The following AKNA variants were observed in gnomAD, a reference collection of about 807,000 sequenced individuals.
AKNA encodes AT-hook transcription factor, also known as microtubule organization protein AKNA.
AKNA carries 67 observed loss-of-function variants against 138.8 expected under a neutral mutation model. The ratio of observed to expected loss-of-function variants is 0.48; its 90% confidence interval spans 0.40 to 0.59. AKNA has a LOEUF of 0.59. Ranked by LOEUF, AKNA falls within the 20% of genes least tolerant of loss-of-function variation. The pLI, the probability that AKNA is intolerant of heterozygous loss-of-function variation, is 0.00. For synonymous variants in AKNA, 737 were observed against 754.4 expected (o/e 0.98, Z 0.38); for missense variants, 1,813 against 1,880.4 (o/e 0.96, Z 0.66).
At chr9:114,397,509 C>A (rs1834568953), upstream of AKNA, among the ~76,000 whole-genome samples, 1 of 152,200 alleles carries the variant, frequency 6.6e-6, no homozygotes. Context: ...TTGTTATCAG[C>A]AATTTTCCCT....
chr9:114,350,297 CA>C (rs1216157573), intron 15 of AKNA, among the ~76,000 whole-genome samples: 1 of 151,946 alleles, frequency 6.6e-6, no homozygotes, highest in Non-Finnish European at 1.5e-5. Flanking sequence ...TTGGCTGGGC[CA>C]CCACCGAGCA....
upstream of AKNA, among the ~76,000 whole-genome samples, chr9:114,397,121 T>C (rs539167980): frequency 8.5e-5 from 13 of 152,302 alleles, no homozygotes; most frequent in Admixed American, 1.3e-4. Context: ...GGCTGGACTT[T>C]AGGAGGCAAA....
At chr9:114,354,992 A>G (rs1352685438) in intron 14 of AKNA, among the ~76,000 whole-genome samples, 1 of 147,118 alleles carries the variant, frequency 6.8e-6, no homozygotes, top group Non-Finnish European at 1.5e-5. Flanking sequence ...CTCATGCCTC[A>G]GCCTCCTGAG....
chr9:114,390,452 C>T (rs148309544), upstream of AKNA, among the ~76,000 whole-genome samples: 593 of 152,258 alleles, frequency 3.9e-3, 6 homozygotes, highest in African/African-American at 0.014. Flanking sequence ...ATCCCATAAC[C>T]AATCCATCGT....
rs1397714914 is a variant in AKNA at position 114,359,986 on chromosome 9, C to T, written c.2201G>A (p.Ser734Asn). 4.3e-6 allele frequency: 7 copies of T among 1,614,254 alleles called. No individual in the cohort carries two copies. Among genetic ancestry groups the T allele is most frequent in the Non-Finnish European group, 5.9e-6 (7 of 1,180,038 alleles). ...GTCCTGTGGCCTGTCCTCCACCTCA[C>T]TGTTGCCAGAGCTCACCTCCACATT... Reference protein sequence around the residue: ...HVNVEVSSGNSEVEDRPQDPL... With the variant: ...HVNVEVSSGNNEVEDRPQDPL... Residue 734 changes from serine (S) to asparagine (N), a missense_variant, in exon 10 of 22, where the codon AGT becomes AAT. Transcript: ENST00000374088.
At chr9:114,351,309 G>T (rs1353546810) in intron 14 of AKNA, among the ~76,000 whole-genome samples, 1 of 152,146 alleles carries the variant, frequency 6.6e-6, no homozygotes, top group Non-Finnish European at 1.5e-5. Context: ...CCCCTGCAAA[G>T]AATTAATCAC....
At chr9:114,364,747 A>G in intron 6 of AKNA, 128 bp from the exon 7 acceptor site, 1 of 961,448 alleles carries the variant, frequency 1.0e-6, no homozygotes, top group African/African-American at 1.6e-5. Flanking sequence ...TCTGCCAAGC[A>G]TGGAGACGTG....
intron 4 of AKNA, among the ~76,000 whole-genome samples, chr9:114,372,121 G>A (rs1387422783): frequency 2.0e-5 from 3 of 152,184 alleles, no homozygotes; most frequent in African/African-American, 7.2e-5. Context: ...GTATCATCCT[G>A]CTTCCTTCCG....
At chr9:114,340,530 C>T (rs768832259) in intron 21 of AKNA, among the ~76,000 whole-genome samples, 6 of 152,220 alleles carry the variant, frequency 3.9e-5, no homozygotes, top group Admixed American at 6.5e-5. Flanking sequence ...ACCACAAACT[C>T]CACACACTTC....
intron 7 of AKNA, among the ~76,000 whole-genome samples, chr9:114,362,887 C>T (rs1832080286): frequency 6.6e-6 from 1 of 152,168 alleles, no homozygotes; most frequent in African/African-American, 2.4e-5. Flanking sequence ...CCATAAGGAC[C>T]CTTTACATGA....
intron 15 of AKNA, among the ~76,000 whole-genome samples, chr9:114,350,533 G>C (rs1476550654): frequency 6.6e-6 from 1 of 152,144 alleles, no homozygotes; most frequent in Non-Finnish European, 1.5e-5. Flanking sequence ...ACAATCAATG[G>C]TCAAATTGCA....
Position 114,336,998 on chromosome 9 carries a change from C to T in AKNA, c.*56G>A. ...CTCAGCAGCTCCAGCCCACTCCTGG[C>T]CTGGCAGGCCACCTGCCCACCCACC... On this transcript the variant is annotated 3_prime_UTR_variant, in exon 22 of 22. Coordinates refer to ENST00000374088, the MANE Select transcript of AKNA (RefSeq NM_001317950.2). The T allele has an allele frequency of 1.4e-6, 2 of 1,452,614 alleles. No individual in the cohort carries two copies. The highest frequency in any genetic ancestry group is 1.8e-6 in the Non-Finnish European group (2 of 1,097,400). 90.0% of individuals were successfully genotyped at this position (1,452,614 alleles called of 1,614,324 possible).
downstream of AKNA, chr9:114,330,601 C>T: frequency 6.2e-7 from 1 of 1,610,784 alleles, no homozygotes; most frequent in Non-Finnish European, 8.5e-7. Flanking sequence ...TCCAATGCAC[C>T]CCCATCTCAG....
Position 114,381,344 on chromosome 9 carries a change from C to T in AKNA, c.-11G>A, listed in dbSNP as rs1833659678. 2 of 1,557,344 alleles carry T rather than the reference C, an allele frequency of 1.3e-6. No homozygotes were observed. The highest frequency in any genetic ancestry group is 1.2e-5 in the South Asian group (1 of 84,880). ...CTCCGAGCTGGCCATTGGGGCTGGC[C>T]TGGGCTTCACCTGGGCCACTTCATC... is the stretch of plus-strand genomic sequence containing the variant. On this transcript the variant is annotated 5_prime_UTR_variant, in exon 2 of 22. Transcript: ENST00000374088.
intron 18 of AKNA, 198 bp from the exon 19 acceptor site, chr9:114,344,001 A>C: frequency 3.7e-6 from 2 of 538,626 alleles, no homozygotes; most frequent in Non-Finnish European, 6.6e-6. Flanking sequence ...ACACATACAC[A>C]CATATACGTC....
intron 14 of AKNA, among the ~76,000 whole-genome samples, chr9:114,353,016 G>A (rs1418876544): frequency 1.3e-5 from 2 of 152,102 alleles, no homozygotes; most frequent in African/African-American, 2.4e-5. Context: ...GTGACTAAAT[G>A]GGACTTCAGT....
rs577317585 is a variant in AKNA, at chr9:114,343,594, A to G, written c.3757+114T>C. The G allele has an allele frequency of 5.5e-6, 6 of 1,089,174 alleles. No individual in the cohort carries two copies. In the South Asian group the frequency reaches 6.6e-5, roughly 12 times the overall value. 67.5% of individuals were successfully genotyped at this position (1,089,174 alleles called of 1,614,324 possible). ...AAATCCTCTTCCCTGGTCTGTCCCT[A>G]TAACCCACTGCTAAGTTCAGGGCAG... On this transcript the variant is annotated intron_variant, in intron 19 of 21. Coordinates refer to ENST00000374088, the MANE Select transcript of AKNA (RefSeq NM_001317950.2).
chr9:114,396,263 A>G (rs1834530431), upstream of AKNA, among the ~76,000 whole-genome samples: 1 of 152,218 alleles, frequency 6.6e-6, no homozygotes, highest in Non-Finnish European at 1.5e-5. Flanking sequence ...ATATTAGCTA[A>G]TAATACCAAT....
chr9:114,393,279 G>A (rs543608347), intron 1 of AKNA, among the ~76,000 whole-genome samples: 39 of 149,768 alleles, frequency 2.6e-4, no homozygotes, highest in African/African-American at 8.1e-4. Context: ...GCAGTGGCGC[G>A]ATCTCAGCTC....
Sources: allele counts gnomAD v4.1 joint callset (sites outside exome capture counted in the v4.1 genomes callset), GRCh38; gene constraint gnomAD v4.1.1; transcripts MANE v1.5; gene names NCBI Gene and HGNC (gene_info 2026-07-23, HGNC 2026-07-21).